ADAMTS16: variants seen among roughly 807,000 people sequenced by gnomAD.
The protein encoded by ADAMTS16 is ADAM metallopeptidase with thrombospondin type 1 motif 16, also known as A disintegrin and metalloproteinase with thrombospondin motifs 16.
A neutral mutation model predicts 145.8 loss-of-function variants in ADAMTS16; 94 were observed. The observed-to-expected ratio is 0.64, with a 90% CI of 0.55 to 0.77. ADAMTS16 has a LOEUF of 0.77. ADAMTS16 is among the 30% of genes least tolerant of loss of function. The probability of loss-of-function intolerance (pLI) is 0.00; values close to 1 mark genes in which losing one functional copy is unlikely to be tolerated. For missense variants in ADAMTS16, 1,585 were observed against 1,591.5 expected (o/e 1.00, Z 0.07); for synonymous variants, 659 against 604.3 (o/e 1.09, Z -1.33).
chr5:5,173,526 T>G (rs1015082923), intron 3 of ADAMTS16, among the ~76,000 whole-genome samples: 6 of 151,984 alleles, frequency 3.9e-5, no homozygotes, highest in Non-Finnish European at 8.8e-5. Context: ...CAGGCTCGAG[T>G]GCAGTGGCGT....
chr5:5,152,597 G>A (rs981484386), intron 3 of ADAMTS16, among the ~76,000 whole-genome samples: 8 of 152,214 alleles, frequency 5.3e-5, no homozygotes, highest in Admixed American at 2.0e-4. Context: ...CTGGGGGTAA[G>A]GAAATAGGGA....
chr5:5,142,176 A>G (rs909162640), intron 2 of ADAMTS16: 1 of 152,190 alleles, frequency 6.6e-6, no homozygotes, highest in Admixed American at 6.5e-5. Flanking sequence ...GATAAAACAC[A>G]TTATAGACAC....
At chr5:5,284,827 T>C (rs541012593) in intron 18 of ADAMTS16, among the ~76,000 whole-genome samples, 4 of 152,212 alleles carry the variant, frequency 2.6e-5, no homozygotes, top group African/African-American at 7.2e-5. Flanking sequence ...TTTCTGTAGG[T>C]TCCATGTGAG....
intron 3 of ADAMTS16, among the ~76,000 whole-genome samples, chr5:5,166,245 A>T (rs1262925323): frequency 6.7e-6 from 1 of 149,936 alleles, no homozygotes; most frequent in Non-Finnish European, 1.5e-5. Context: ...ACTCACCATC[A>T]CACACACACA....
intron 3 of ADAMTS16, among the ~76,000 whole-genome samples, chr5:5,153,668 A>G (rs904892568): frequency 7.2e-5 from 11 of 152,176 alleles, no homozygotes; most frequent in Non-Finnish European, 1.3e-4. Flanking sequence ...TTGTTTAAAA[A>G]TGTTTTCTGT....
At chr5:5,214,327 A>G (rs1736365276) in intron 10 of ADAMTS16, among the ~76,000 whole-genome samples, 1 of 152,242 alleles carries the variant, frequency 6.6e-6, no homozygotes, top group African/African-American at 2.4e-5. Context: ...ATCTATTAAA[A>G]TCACATAATG....
intron 10 of ADAMTS16, among the ~76,000 whole-genome samples, chr5:5,220,182 T>G (rs867894609): frequency 3.5e-5 from 5 of 142,010 alleles, no homozygotes; most frequent in Non-Finnish European, 6.0e-5. Flanking sequence ...TTTTTTGAGA[T>G]GGAGTCTCAC....
At chr5:5,177,195 G>A (rs1394655098) in intron 3 of ADAMTS16, among the ~76,000 whole-genome samples, 1 of 152,222 alleles carries the variant, frequency 6.6e-6, no homozygotes, top group Non-Finnish European at 1.5e-5. Flanking sequence ...ATGATGATGG[G>A]AGTAACTCAT....
intron 17 of ADAMTS16, among the ~76,000 whole-genome samples, chr5:5,255,069 T>G (rs1222280201): frequency 6.6e-6 from 1 of 152,148 alleles, no homozygotes; most frequent in African/African-American, 2.4e-5. Flanking sequence ...CCTTCTGGAA[T>G]TAGTTTTTCT....
intron 3 of ADAMTS16, among the ~76,000 whole-genome samples, chr5:5,164,100 T>C (rs1579281687): frequency 6.6e-6 from 1 of 152,066 alleles, no homozygotes; most frequent in Non-Finnish European, 1.5e-5. Flanking sequence ...GTATCATGGG[T>C]AGATATGCAG....
chr5:5,220,210 A>G (rs971922451), intron 10 of ADAMTS16, among the ~76,000 whole-genome samples: 1 of 143,772 alleles, frequency 7.0e-6, no homozygotes, highest in East Asian at 2.1e-4. Flanking sequence ...CCCAGTCTAG[A>G]GTACAGTGGT....
At chr5:5,289,123 C>T (rs942612585) in intron 18 of ADAMTS16, among the ~76,000 whole-genome samples, 2 of 152,178 alleles carry the variant, frequency 1.3e-5, no homozygotes, top group African/African-American at 4.8e-5. Context: ...TGTCACCTTT[C>T]TGCACTTCAC....
chr5:5,311,955 A>G (rs148012169), intron 21 of ADAMTS16, among the ~76,000 whole-genome samples: 1,853 of 151,902 alleles, frequency 0.012, 29 homozygotes, highest in South Asian at 0.043. Context: ...CTGACCTTGT[A>G]ATCCACTCGC....
At chr5:5,274,858 TA>T (rs1429410795) in intron 18 of ADAMTS16, among the ~76,000 whole-genome samples, 4 of 152,160 alleles carry the variant, frequency 2.6e-5, no homozygotes, top group Non-Finnish European at 5.9e-5. Flanking sequence ...GTTAAATCAT[TA>T]AATTTTTCAT....
At chr5:5,226,438 T>C (rs573536571) in intron 11 of ADAMTS16, among the ~76,000 whole-genome samples, 1 of 152,278 alleles carries the variant, frequency 6.6e-6, no homozygotes, top group South Asian at 2.1e-4. Flanking sequence ...GCCCCCATGA[T>C]TCAATTACCT....
chr5:5,206,742 T>C (rs932710401), intron 9 of ADAMTS16, among the ~76,000 whole-genome samples: 1 of 151,984 alleles, frequency 6.6e-6, no homozygotes, highest in African/African-American at 2.4e-5. Context: ...TCAGCCTCCC[T>C]AAGTGCTGGG....
At position 5,319,726 on chromosome 5, in the gene ADAMTS16, C is replaced by T. The variant is rs192371275; in HGVS notation, c.*588C>T. The T allele has an allele frequency of 2.2e-3, 792 of 367,344 alleles. 7 individuals are homozygous for T. The highest frequency in any genetic ancestry group is 1.9e-3 in the Non-Finnish European group (368 of 188,848). 22.8% of individuals were successfully genotyped at this position (367,344 alleles called of 1,614,324 possible). On this transcript the variant is annotated 3_prime_UTR_variant, in exon 23 of 23. Coordinates refer to ENST00000274181, the MANE Select transcript of ADAMTS16 (RefSeq NM_139056.4). Reference sequence around the variant, plus strand: ...AACCTGGAGCCACCGCCGGAGCCAGCGTCATCTCTAGGGTCACTGGCCAGG... The same window carrying T: ...AACCTGGAGCCACCGCCGGAGCCAGTGTCATCTCTAGGGTCACTGGCCAGG...
intron 18 of ADAMTS16, among the ~76,000 whole-genome samples, chr5:5,288,583 T>G (rs371725711): frequency 6.6e-6 from 1 of 152,172 alleles, no homozygotes; most frequent in Non-Finnish European, 1.5e-5. Context: ...TACACAACTT[T>G]TACCAGGAGT....
At position 5,239,807 on chromosome 5, in the gene ADAMTS16, C is replaced by A. The variant is rs1462903466; in HGVS notation, c.2405C>A (p.Thr802Asn). 1 of 1,614,096 alleles carries A rather than the reference C, an allele frequency of 6.2e-7. No homozygotes were observed. Among genetic ancestry groups the A allele is most frequent in the African/African-American group, 1.3e-5 (1 of 75,000 alleles). The change falls in exon 16 of 23, where the codon ACC becomes AAC. Residue 802 changes from threonine (T) to asparagine (N), a missense_variant. Coordinates refer to ENST00000274181, the MANE Select transcript of ADAMTS16 (RefSeq NM_139056.4). ...LRRYYLNGHW[T>N]VDWPGRYKFS... The stretch of plus-strand genomic sequence containing the variant: ...AGGTACTACCTGAATGGGCACTGGA[C>A]CGTGGACTGGCCCGGCCGGTACAAA...
Sources: gnomAD v4.1 joint callset for allele counts (sites outside exome capture counted in the v4.1 genomes callset) on GRCh38, gnomAD v4.1.1 for gene constraint, MANE v1.5 for transcripts, NCBI Gene and HGNC (gene_info 2026-07-23, HGNC 2026-07-21) for gene names.